ADGRB3: variants seen among roughly 807,000 people sequenced by gnomAD.
ADGRB3 encodes brain-specific angiogenesis inhibitor 3.
ADGRB3 carries 37 observed loss-of-function variants against 193.4 expected under a neutral mutation model. That is an observed-to-expected ratio of 0.19 (90% CI 0.15 to 0.25). ADGRB3 has a LOEUF of 0.25. Among genes scored for constraint, ADGRB3 ranks in the 10% least tolerant of loss-of-function variants. The probability of loss-of-function intolerance (pLI) is 1.00; values close to 1 mark genes in which losing one functional copy is unlikely to be tolerated. For synonymous variants in ADGRB3, 690 were observed against 644.2 expected, an observed-to-expected ratio of 1.07 and a Z score of -1.08; for missense variants, 1,637 against 1,852.9, an observed-to-expected ratio of 0.88 and a Z score of 2.14.
At chr6:69,154,310 C>T (rs928882773) in intron 17 of ADGRB3, among the ~76,000 whole-genome samples, 1 of 152,154 alleles carries the variant, frequency 6.6e-6, no homozygotes, top group African/African-American at 2.4e-5. Context: ...AATCTATCTT[C>T]ACTTTCACTA....
chr6:69,103,677 AG>A (rs1348091256), intron 17 of ADGRB3, among the ~76,000 whole-genome samples: 1 of 151,842 alleles, frequency 6.6e-6, no homozygotes, highest in Non-Finnish European at 1.5e-5. Context: ...GTAATGAACA[AG>A]GGCAATTGGA....
intron 13 of ADGRB3, among the ~76,000 whole-genome samples, chr6:69,033,590 T>C (rs549391995): frequency 1.3e-4 from 20 of 152,302 alleles, no homozygotes; most frequent in African/African-American, 4.8e-4. Flanking sequence ...TAATTTCTTA[T>C]ATGGCTAGTT....
chr6:69,297,131 C>T (rs1459992072), intron 20 of ADGRB3, among the ~76,000 whole-genome samples: 1 of 152,030 alleles, frequency 6.6e-6, no homozygotes, highest in Non-Finnish European at 1.5e-5. Context: ...TGGTCAGCAA[C>T]CTTTGGTGCT....
rs574894135 is a variant in ADGRB3 at position 68,892,105 on chromosome 6, C to T, written c.758-38454C>T. Among the ~76,000 whole-genome samples the T allele has an allele frequency of 2.7e-3, 410 of 152,312 alleles. 2 individuals are homozygous for T. Among genetic ancestry groups the T allele is most frequent in the African/African-American group, 9.2e-3 (384 of 41,574 alleles). On this transcript the variant is annotated intron_variant, in intron 3 of 31. Transcript: ENST00000370598. ...AATACCCTCCTGCAGCTAGTGGCTA[C>T]AGAATTGATAAATGCAGCTATAGAG...
chr6:68,763,314 T>C (rs373895927), intron 3 of ADGRB3, among the ~76,000 whole-genome samples: 2 of 152,170 alleles, frequency 1.3e-5, no homozygotes, highest in East Asian at 3.9e-4. Flanking sequence ...GGTCTTGAAC[T>C]CCTGACCTCA....
At chr6:69,381,635 A>G (rs1769947755) in intron 30 of ADGRB3, among the ~76,000 whole-genome samples, 1 of 151,916 alleles carries the variant, frequency 6.6e-6, no homozygotes. Context: ...TTCCTCAAGG[A>G]GATAAAGTGC....
intron 17 of ADGRB3, among the ~76,000 whole-genome samples, chr6:69,096,630 G>T (rs955228989): frequency 2.0e-5 from 3 of 152,088 alleles, no homozygotes; most frequent in African/African-American, 7.2e-5. Context: ...CTCATAGTTT[G>T]TGCTTAACTT....
intron 1 of ADGRB3, among the ~76,000 whole-genome samples, chr6:68,636,958 C>CAAA (rs34410124): frequency 5.0e-5 from 6 of 119,660 alleles, no homozygotes; most frequent in Non-Finnish European, 6.8e-5. Flanking sequence ...AGTGCAACAC[C>CAAA]AAAAAAAAAA....
chr6:69,316,956 T>G (rs1768325655), intron 20 of ADGRB3, among the ~76,000 whole-genome samples: 1 of 151,482 alleles, frequency 6.6e-6, no homozygotes, highest in South Asian at 2.1e-4. Context: ...AGGAAGAGAA[T>G]GTAGAGATAC....
chr6:69,009,903 GC>G (rs1769883309), intron 11 of ADGRB3, among the ~76,000 whole-genome samples: 4 of 152,024 alleles, frequency 2.6e-5, no homozygotes, highest in Admixed American at 2.6e-4. Flanking sequence ...AAAGCAAAAT[GC>G]TAAGACATAT....
chr6:69,241,280 C>T (rs1051434877), intron 20 of ADGRB3, among the ~76,000 whole-genome samples: 4 of 151,516 alleles, frequency 2.6e-5, no homozygotes, highest in African/African-American at 9.7e-5. Flanking sequence ...ATTTAAAAAC[C>T]CGATGAAATT....
intron 13 of ADGRB3, among the ~76,000 whole-genome samples, chr6:69,021,293 A>G (rs971561496): frequency 2.0e-5 from 3 of 151,982 alleles, no homozygotes; most frequent in African/African-American, 7.2e-5. Context: ...TAAAGTCTAT[A>G]TGTATAGCTG....
chr6:69,070,576 A>G (rs1201021657), intron 16 of ADGRB3, among the ~76,000 whole-genome samples: 1 of 152,120 alleles, frequency 6.6e-6, no homozygotes, highest in Non-Finnish European at 1.5e-5. Context: ...TCAGCATGTT[A>G]TTTCTGCCAT....
intron 17 of ADGRB3, among the ~76,000 whole-genome samples, chr6:69,163,300 G>A (rs1185569520): frequency 6.6e-6 from 1 of 151,974 alleles, no homozygotes; most frequent in African/African-American, 2.4e-5. Flanking sequence ...GGAAATGTTA[G>A]TTCAGACATC....
At chr6:69,041,345 C>CGT (rs1771066467) in intron 13 of ADGRB3, among the ~76,000 whole-genome samples, 1 of 151,602 alleles carries the variant, frequency 6.6e-6, no homozygotes, top group African/African-American at 2.4e-5. Flanking sequence ...TTAAACTGAG[C>CGT]ATATATATAT....
chr6:69,225,120 G>A (rs770981057), intron 17 of ADGRB3, among the ~76,000 whole-genome samples: 1 of 152,010 alleles, frequency 6.6e-6, no homozygotes, highest in Non-Finnish European at 1.5e-5. Flanking sequence ...ATAATTTTTT[G>A]TGCTATCTGA....
At chr6:69,261,588 T>G (rs959946257) in intron 20 of ADGRB3, among the ~76,000 whole-genome samples, 1 of 152,048 alleles carries the variant, frequency 6.6e-6, no homozygotes, top group South Asian at 2.1e-4. Context: ...CATTATAAAA[T>G]AAGAAAGTCC....
chr6:68,978,892 T>A (rs1332316666), intron 10 of ADGRB3, among the ~76,000 whole-genome samples: 1 of 151,420 alleles, frequency 6.6e-6, no homozygotes, highest in Non-Finnish European at 1.5e-5. Flanking sequence ...GGGAGCTCTA[T>A]GTTTTCCAAC....
chr6:69,094,238 T>G (rs1772801194), intron 17 of ADGRB3, among the ~76,000 whole-genome samples: 1 of 152,146 alleles, frequency 6.6e-6, no homozygotes, highest in Non-Finnish European at 1.5e-5. Context: ...TACAACACCT[T>G]CTCCATGCAC....
Sources: gnomAD v4.1 joint callset for allele counts (sites outside exome capture counted in the v4.1 genomes callset) on GRCh38, gnomAD v4.1.1 for gene constraint, MANE v1.5 for transcripts, NCBI Gene and HGNC (gene_info 2026-07-23, HGNC 2026-07-21) for gene names.